MTMR3: variants seen among roughly 807,000 people sequenced by gnomAD.
The protein encoded by MTMR3 is myotubularin related protein 3.
MTMR3 carries 32 observed loss-of-function variants against 132.4 expected under a neutral mutation model. That is an observed-to-expected ratio of 0.24 (90% CI 0.18 to 0.32). The LOEUF is 0.32. Among genes scored for constraint, MTMR3 ranks in the 10% least tolerant of loss-of-function variants. MTMR3 has a pLI of 1.00. For synonymous variants in MTMR3, 556 were observed against 550.3 expected (o/e 1.01, Z -0.14); for missense variants, 1,216 against 1,489.6 (o/e 0.82, Z 3.02).
chr22:29,920,672 C>CT (rs140243375), intron 1 of MTMR3, among the ~76,000 whole-genome samples: 15,387 of 150,860 alleles, frequency 0.1, 785 homozygotes, highest in Middle Eastern at 0.14. Flanking sequence ...ATGGATAAAG[C>CT]TTTTTTTTTA....
intron 1 of MTMR3, among the ~76,000 whole-genome samples, chr22:29,955,026 G>A (rs1439766083): frequency 1.3e-5 from 2 of 151,910 alleles, no homozygotes; most frequent in African/African-American, 4.8e-5. Context: ...GTCTTACTTT[G>A]TTGGCCAGGC....
intron 1 of MTMR3, among the ~76,000 whole-genome samples, chr22:29,932,813 C>G (rs1043554348): frequency 6.6e-6 from 1 of 152,068 alleles, no homozygotes; most frequent in Non-Finnish European, 1.5e-5. Flanking sequence ...ATAAGGAACT[C>G]TCAATGTTCT....
At chr22:29,941,037 C>T (rs2065847533) in intron 1 of MTMR3, among the ~76,000 whole-genome samples, 1 of 150,146 alleles carries the variant, frequency 6.7e-6, no homozygotes, top group African/African-American at 2.5e-5. Context: ...TTTTACATCA[C>T]ATGAGAAAGT....
At chr22:30,023,958 G>A (rs2067836667) in intron 19 of MTMR3, 1 of 155,430 alleles carries the variant, frequency 6.4e-6, no homozygotes, top group South Asian at 1.9e-4. Context: ...TTCAAGGAAA[G>A]ATTCCACTTA....
At chr22:30,023,655 C>G (rs778142343) in intron 19 of MTMR3, 3 of 738,012 alleles carry the variant, frequency 4.1e-6, no homozygotes, top group Non-Finnish European at 4.6e-6. Context: ...GAGAGGCCAT[C>G]GAGGGTGGGT....
rs754065403 is a variant in MTMR3, at chr22:29,991,548, G to A, written c.338G>A (p.Arg113Lys). ...GAGCAGTGTCAAGAGTGGCTGAAGA[G>A]ACTGAACAACGCAATCCGACCACCT... ...TFEQCQEWLKRLNNAIRPPAK... is the reference protein window; with the variant it reads ...TFEQCQEWLKKLNNAIRPPAK... The change falls in exon 7 of 20, where the codon AGA (arginine) becomes AAA (lysine). Residue 113 changes from arginine (R) to lysine (K), a missense_variant. By Grantham distance (26) the Arg-to-Lys change is conservative. This residue lies in a region of MTMR3 where 129 missense variants were observed against 245.7 expected (regional missense o/e 0.53). Transcript: ENST00000401950. 6.2e-7 allele frequency: 1 copy of A among 1,613,870 alleles called. No homozygotes were observed. Among genetic ancestry groups the A allele is most frequent in the African/African-American group, 1.3e-5 (1 of 74,914 alleles).
chr22:29,927,299 C>G (rs2065535994), intron 1 of MTMR3, among the ~76,000 whole-genome samples: 1 of 152,098 alleles, frequency 6.6e-6, no homozygotes. Flanking sequence ...AGTTATTCAG[C>G]TTTGTCCTTT....
At chr22:29,951,674 A>C (rs2066082321) in intron 1 of MTMR3, among the ~76,000 whole-genome samples, 2 of 152,192 alleles carry the variant, frequency 1.3e-5, no homozygotes, top group Admixed American at 1.3e-4. Context: ...CTATTGCAGA[A>C]CTTCTTTTGA....
intron 4 of MTMR3, 118 bp from the exon 5 acceptor site, chr22:29,978,818 T>A: frequency 1.3e-6 from 1 of 772,776 alleles, no homozygotes; most frequent in Admixed American, 2.3e-5. Context: ...TATCTACTTA[T>A]GTGCTGTGTT....
rs1199865693 is a variant in MTMR3, at chr22:30,027,371, G to A, written c.*1570G>A. Reference sequence around the variant, plus strand: ...GTGGTTCTGTGCATGCCTGGGTGTGGTTAAGGCGTGGCCCAGAAGGCTTCC... The same window carrying A: ...GTGGTTCTGTGCATGCCTGGGTGTGATTAAGGCGTGGCCCAGAAGGCTTCC... On this transcript the variant is annotated 3_prime_UTR_variant, in exon 20 of 20. Transcript: ENST00000401950. 1 of 152,794 alleles carries A rather than the reference G, an allele frequency of 6.5e-6. No individual in the cohort carries two copies. The allele number at this position is 152,794 out of a possible 1,614,324, so 9.5% of individuals were successfully genotyped here.
intron 2 of MTMR3, among the ~76,000 whole-genome samples, chr22:29,966,792 A>T (rs563522666): frequency 1.3e-4 from 20 of 148,898 alleles, no homozygotes; most frequent in Non-Finnish European, 2.5e-4. Context: ...TGTGTGTGTG[A>T]GAGAGAGAAT....
intron 7 of MTMR3, chr22:29,995,939 A>G (rs1234200698): frequency 2.0e-5 from 3 of 152,258 alleles, no homozygotes; most frequent in Non-Finnish European, 4.4e-5. Context: ...TGGAATAGAA[A>G]ATATCAAATT....
intron 17 of MTMR3, chr22:30,021,812 G>T: frequency 1.9e-6 from 1 of 540,400 alleles, no homozygotes; most frequent in Non-Finnish European, 3.3e-6. Context: ...CTACTCCAGA[G>T]TCACTGCACA....
intron 1 of MTMR3, among the ~76,000 whole-genome samples, chr22:29,927,952 T>G (rs2065553030): frequency 6.8e-6 from 1 of 147,880 alleles, no homozygotes; most frequent in Non-Finnish European, 1.5e-5. Flanking sequence ...TTTTTTTTTT[T>G]TTTTTTGAGA....
intron 14 of MTMR3, chr22:30,016,191 T>C: frequency 4.5e-6 from 1 of 223,224 alleles, no homozygotes; most frequent in Non-Finnish European, 8.9e-6. Flanking sequence ...ACAAACATAC[T>C]GTCAGCTCAG....
intron 1 of MTMR3, among the ~76,000 whole-genome samples, chr22:29,893,583 T>C (rs988054795): frequency 6.6e-6 from 1 of 152,212 alleles, no homozygotes; most frequent in African/African-American, 2.4e-5. Context: ...AGTGTAACTT[T>C]ACAATGAAGA....
intron 1 of MTMR3, among the ~76,000 whole-genome samples, chr22:29,884,851 A>G (rs1602397939): frequency 2.0e-5 from 3 of 152,218 alleles, no homozygotes; most frequent in Admixed American, 1.3e-4. Flanking sequence ...GGCGTGAGCC[A>G]CTGCCGCCAG....
chr22:29,935,741 A>AC (rs1411440374), intron 1 of MTMR3, among the ~76,000 whole-genome samples: 124 of 105,872 alleles, frequency 1.2e-3, no homozygotes, highest in African/African-American at 4.5e-3. Context: ...CTCCATGCCC[A>AC]CTTTTTTTTT....
chr22:29,922,296 A>G (rs2065432790), intron 1 of MTMR3, among the ~76,000 whole-genome samples: 2 of 152,076 alleles, frequency 1.3e-5, no homozygotes, highest in Admixed American at 6.5e-5. Flanking sequence ...TGGGATTACA[A>G]CTGTGAGCCA....
Sources: allele counts gnomAD v4.1 joint callset (sites outside exome capture counted in the v4.1 genomes callset), GRCh38; gene constraint gnomAD v4.1.1; regional missense constraint gnomAD v4.1.1; transcripts MANE v1.5; gene names NCBI Gene and HGNC (gene_info 2026-07-23, HGNC 2026-07-21).